IMMP2L: variants seen among roughly 807,000 people sequenced by gnomAD.
IMMP2L encodes mitochondrial inner membrane protease subunit 2.
Under a neutral mutation model 19.3 loss-of-function variants are expected in IMMP2L, and 18 were observed. The ratio of observed to expected loss-of-function variants is 0.93; its 90% confidence interval spans 0.64 to 1.38. The LOEUF is 1.38. Among genes scored for constraint, IMMP2L ranks in the 40% most tolerant of loss-of-function variants. IMMP2L has a pLI of 0.00. For synonymous variants in IMMP2L, 76 were observed against 73.0 expected (o/e 1.04, Z -0.21); for missense variants, 233 against 218.2 (o/e 1.07, Z -0.43).
intron 3 of IMMP2L, among the ~76,000 whole-genome samples, chr7:111,021,363 A>C (rs1252779761): frequency 1.3e-5 from 2 of 152,238 alleles, no homozygotes; most frequent in Non-Finnish European, 2.9e-5. Flanking sequence ...GGTATAAAAC[A>C]TTCTTTGTAA....
chr7:111,033,704 G>A (rs1276608738), intron 3 of IMMP2L, among the ~76,000 whole-genome samples: 1 of 152,152 alleles, frequency 6.6e-6, no homozygotes, highest in Non-Finnish European at 1.5e-5. Flanking sequence ...AGTGAAATAT[G>A]GCAATCTGAG....
chr7:110,683,034 T>C (rs1376041153), intron 5 of IMMP2L, among the ~76,000 whole-genome samples: 1 of 152,104 alleles, frequency 6.6e-6, no homozygotes, highest in African/African-American at 2.4e-5. Flanking sequence ...TTGAGATTAG[T>C]GCACAACAAA....
chr7:110,773,718 AG>A (rs1416619723), intron 5 of IMMP2L, among the ~76,000 whole-genome samples: 2 of 152,074 alleles, frequency 1.3e-5, no homozygotes, highest in Non-Finnish European at 2.9e-5. Context: ...ATCCAAATTG[AG>A]TTCTTAGGTG....
intron 3 of IMMP2L, among the ~76,000 whole-genome samples, chr7:111,174,161 TACA>T: frequency 1.3e-5 from 2 of 151,868 alleles, no homozygotes; most frequent in Middle Eastern, 6.8e-3. Context: ...AGAATAATAC[TACA>T]ATCATCAGTG....
In IMMP2L at chr7:111,013,365, C is replaced by T. The variant is rs188469550; in HGVS notation, c.240-49800G>A. On this transcript the variant is annotated intron_variant, in intron 3 of 5. Transcript: ENST00000405709. ...GGCCAATGAAAAGGCTTCTACAACA[C>T]TTTAAGGCAGAACATGAAGTCTTGC... Among the ~76,000 whole-genome samples the T allele has an allele frequency of 5.1e-3, 779 of 152,210 alleles. 13 individuals carry two copies. Among genetic ancestry groups the T allele is most frequent in the African/African-American group, 0.018 (755 of 41,540 alleles).
chr7:111,012,829 C>T (rs1416127411), intron 3 of IMMP2L, among the ~76,000 whole-genome samples: 1 of 152,188 alleles, frequency 6.6e-6, no homozygotes, highest in East Asian at 1.9e-4. Context: ...TTCACTGTAT[C>T]TTATTTTTTC....
In IMMP2L at chr7:110,790,483, C is replaced by T. The variant is rs550854614; in HGVS notation, c.408+96110G>A. On this transcript the variant is annotated intron_variant, in intron 5 of 5. Coordinates refer to ENST00000405709, the MANE Select transcript of IMMP2L (RefSeq NM_032549.4). ...AGGCTTTTGCAGTAATTCAGACAAA[C>T]AAGAGATCATGGTGGCTTGAACTGC... 1.4e-4 allele frequency among the ~76,000 whole-genome samples: 22 copies of T among 151,896 alleles called. No individual in the cohort carries two copies. The South Asian group carries it at 3.3e-3, about 23-fold the overall frequency.
intron 3 of IMMP2L, among the ~76,000 whole-genome samples, chr7:111,120,340 T>G (rs1800439501): frequency 6.6e-6 from 1 of 152,098 alleles, no homozygotes; most frequent in Non-Finnish European, 1.5e-5. Flanking sequence ...AAAAGGCACA[T>G]CTTACATTTA....
At chr7:110,754,594 A>G (rs1797928840) in intron 5 of IMMP2L, among the ~76,000 whole-genome samples, 1 of 152,100 alleles carries the variant, frequency 6.6e-6, no homozygotes, top group Admixed American at 6.6e-5. Context: ...TGGATTTTGA[A>G]TTTTGGAAAT....
chr7:111,549,990 T>C (rs2133075845), intron 1 of IMMP2L, among the ~76,000 whole-genome samples: 1 of 151,400 alleles, frequency 6.6e-6, no homozygotes. Context: ...ACAAGCTAAT[T>C]CATTTATAAA....
intron 3 of IMMP2L, among the ~76,000 whole-genome samples, chr7:111,160,446 A>T (rs1805129772): frequency 6.6e-6 from 1 of 152,132 alleles, no homozygotes. Flanking sequence ...TAAAATTTAA[A>T]TCATACATGT....
At chr7:110,982,911 TATATC>T (rs1821453405) in intron 3 of IMMP2L, among the ~76,000 whole-genome samples, 1 of 152,102 alleles carries the variant, frequency 6.6e-6, no homozygotes, top group East Asian at 1.9e-4. Context: ...AACCATTAAC[TATATC>T]TCTTAGTTTC....
At chr7:111,062,178 T>C (rs1794078417) in intron 3 of IMMP2L, among the ~76,000 whole-genome samples, 1 of 152,208 alleles carries the variant, frequency 6.6e-6, no homozygotes, top group African/African-American at 2.4e-5. Context: ...AAGGAATTTA[T>C]TGGACTCACA....
intron 3 of IMMP2L, among the ~76,000 whole-genome samples, chr7:111,392,620 T>C (rs1584927928): frequency 6.6e-6 from 1 of 152,136 alleles, no homozygotes; most frequent in African/African-American, 2.4e-5. Flanking sequence ...TTAATTCTGA[T>C]AATAACAACC....
chr7:110,798,531 CT>C (rs1188404938), intron 5 of IMMP2L, among the ~76,000 whole-genome samples: 1 of 151,982 alleles, frequency 6.6e-6, no homozygotes, highest in Non-Finnish European at 1.5e-5. Flanking sequence ...GAGAGAATCT[CT>C]AACTTTTGGC....
chr7:110,784,845 G>A (rs1464212950), intron 5 of IMMP2L, among the ~76,000 whole-genome samples: 1 of 151,822 alleles, frequency 6.6e-6, no homozygotes, highest in East Asian at 1.9e-4. Flanking sequence ...AGGGTTAACA[G>A]CCAGTTCTCT....
At chr7:111,065,907 T>A (rs578082896) in intron 3 of IMMP2L, among the ~76,000 whole-genome samples, 301 of 150,560 alleles carry the variant, frequency 2.0e-3, no homozygotes, top group African/African-American at 7.2e-3. Context: ...ACAATGTGTG[T>A]GTGTGTGCGC....
chr7:111,509,504 A>G (rs149186769), intron 2 of IMMP2L, among the ~76,000 whole-genome samples: 3 of 152,316 alleles, frequency 2.0e-5, no homozygotes, highest in African/African-American at 7.2e-5. Context: ...CCCTCCAGCA[A>G]TAAAGCAGCA....
chr7:111,278,279 A>G (rs1037723019), intron 3 of IMMP2L, among the ~76,000 whole-genome samples: 36 of 152,268 alleles, frequency 2.4e-4, no homozygotes, highest in Admixed American at 7.9e-4. Context: ...CTTCTCAACA[A>G]TTTCTGCCCT....
Sources: gnomAD v4.1 joint callset for allele counts (sites outside exome capture counted in the v4.1 genomes callset) on GRCh38, gnomAD v4.1.1 for gene constraint, MANE v1.5 for transcripts, NCBI Gene and HGNC (gene_info 2026-07-23, HGNC 2026-07-21) for gene names.